RALA: variants seen among roughly 807,000 people sequenced by gnomAD.
RALA encodes the protein RAS like proto-oncogene A, also known as ras-related protein Ral-A.
Under a neutral mutation model 24.0 loss-of-function variants are expected in RALA, and 5 were observed. The ratio of observed to expected loss-of-function variants is 0.21; its 90% CI spans 0.11 to 0.44. The LOEUF is 0.44. Ranked by LOEUF, RALA falls within the 20% of genes least tolerant of loss-of-function variation. The pLI is 0.99. For missense variants in RALA, 95 were observed against 241.2 expected, an observed-to-expected ratio of 0.39 and a Z score of 4.01; for synonymous variants, 77 against 83.8, an observed-to-expected ratio of 0.92 and a Z score of 0.44.
chr7:39,654,314 C>T (rs536420518), intron 1 of RALA, among the ~76,000 whole-genome samples: 1 of 152,170 alleles, frequency 6.6e-6, no homozygotes, highest in African/African-American at 2.4e-5. Context: ...ATTTAATCAG[C>T]TCAGTCTCCA....
intron 1 of RALA, among the ~76,000 whole-genome samples, chr7:39,626,053 A>G (rs1791480067): frequency 6.6e-6 from 1 of 152,236 alleles, no homozygotes; most frequent in Non-Finnish European, 1.5e-5. Context: ...ATGATTTTGA[A>G]GGAGACAGTT....
intron 4 of RALA, among the ~76,000 whole-genome samples, chr7:39,702,697 C>T (rs2115559768): frequency 6.6e-6 from 1 of 152,234 alleles, no homozygotes; most frequent in African/African-American, 2.4e-5. Context: ...AGGATGAAAT[C>T]CTGTCATTCA....
intron 2 of RALA, among the ~76,000 whole-genome samples, chr7:39,688,049 C>CTGTT (rs1792739828): frequency 6.6e-6 from 1 of 152,086 alleles, no homozygotes; most frequent in African/African-American, 2.4e-5. Flanking sequence ...GTGCACCCAA[C>CTGTT]CCCCCATGTC....
rs115616765 is a variant in RALA, at chr7:39,683,219, C to T, written c.-37-3412C>T. The stretch of plus-strand genomic sequence containing the variant: ...AGTCTCAGATACTCTGTTATAGCAA[C>T]AGGAAACAGACTGACACTAGGCTTC... On this transcript the variant is annotated intron_variant, in intron 1 of 4. Coordinates refer to ENST00000005257, the MANE Select transcript of RALA (RefSeq NM_005402.4). 1.2e-3 allele frequency among the ~76,000 whole-genome samples: 178 copies of T among 152,296 alleles called. 1 individual carries two copies. The highest frequency in any genetic ancestry group is 3.8e-3 in the African/African-American group (160 of 41,576).
chr7:39,691,506 G>A (rs1792816833), intron 3 of RALA, among the ~76,000 whole-genome samples: 4 of 152,146 alleles, frequency 2.6e-5, no homozygotes, highest in African/African-American at 9.7e-5. Flanking sequence ...TCCGGGAGGG[G>A]AAAGAAGCTG....
chr7:39,691,835 T>G (rs1204930540), intron 3 of RALA, among the ~76,000 whole-genome samples: 1 of 152,212 alleles, frequency 6.6e-6, no homozygotes, highest in East Asian at 1.9e-4. Context: ...GAAAGTTATA[T>G]AAATGCCAAT....
chr7:39,646,892 T>A (rs1791933545), intron 1 of RALA, among the ~76,000 whole-genome samples: 1 of 152,142 alleles, frequency 6.6e-6, no homozygotes, highest in African/African-American at 2.4e-5. Flanking sequence ...AAATAATAAG[T>A]TAGAAAAAGT....
chr7:39,641,362 T>C (rs1297466061), intron 1 of RALA, among the ~76,000 whole-genome samples: 1 of 152,234 alleles, frequency 6.6e-6, no homozygotes, highest in Non-Finnish European at 1.5e-5. Context: ...ATATGATACT[T>C]GGTTTATGCT....
At chr7:39,633,564 C>T (rs1352759152) in intron 1 of RALA, among the ~76,000 whole-genome samples, 3 of 152,186 alleles carry the variant, frequency 2.0e-5, no homozygotes, top group Non-Finnish European at 4.4e-5. Context: ...TAGTCCCTCC[C>T]TCAACAAGTG....
intron 1 of RALA, among the ~76,000 whole-genome samples, chr7:39,677,241 A>G (rs1792502852): frequency 6.6e-6 from 1 of 152,178 alleles, no homozygotes; most frequent in African/African-American, 2.4e-5. Flanking sequence ...TCTTCTTTTT[A>G]GCCCTTTAAG....
intron 1 of RALA, among the ~76,000 whole-genome samples, chr7:39,629,522 C>T (rs1791553381): frequency 6.6e-6 from 1 of 151,446 alleles, no homozygotes; most frequent in Non-Finnish European, 1.5e-5. Flanking sequence ...TCAAGCGATT[C>T]TCCTGCCTCA....
chr7:39,701,548 G>T (rs1234551147), intron 4 of RALA, among the ~76,000 whole-genome samples: 1 of 152,150 alleles, frequency 6.6e-6, no homozygotes, highest in Non-Finnish European at 1.5e-5. Flanking sequence ...AATAGCTAGT[G>T]TATCTCCCAT....
At chr7:39,676,399 C>A (rs1792488307) in intron 1 of RALA, among the ~76,000 whole-genome samples, 1 of 152,170 alleles carries the variant, frequency 6.6e-6, no homozygotes, top group South Asian at 2.1e-4. Context: ...AAGCCTAAAA[C>A]AGGTTATGTA....
At chr7:39,667,994 GAA>G (rs1197136607) in intron 1 of RALA, among the ~76,000 whole-genome samples, 1 of 152,196 alleles carries the variant, frequency 6.6e-6, no homozygotes, top group Non-Finnish European at 1.5e-5. Context: ...CAAGATAAAA[GAA>G]AGTCTAGCCA....
In RALA at chr7:39,706,273, G is replaced by T; in HGVS notation, c.*28G>T. 1.3e-6 allele frequency: 2 copies of T among 1,582,030 alleles called. No homozygotes were observed. The highest frequency in any genetic ancestry group is 1.2e-5 in the South Asian group (1 of 84,446). ...AAAGCCCAAACTCCTTTCTTATCTT[G>T]ACCATACTAATAAATATAATTTATA... On this transcript the variant is annotated 3_prime_UTR_variant, in exon 5 of 5. Coordinates refer to ENST00000005257, the MANE Select transcript of RALA (RefSeq NM_005402.4).
At chr7:39,656,147 C>A (rs564061813) in intron 1 of RALA, among the ~76,000 whole-genome samples, 2 of 152,240 alleles carry the variant, frequency 1.3e-5, no homozygotes, top group African/African-American at 2.4e-5. Context: ...TATTCCCAAG[C>A]CTTGTACATT....
At chr7:39,688,387 C>T (rs1215826489) in intron 2 of RALA, among the ~76,000 whole-genome samples, 1 of 110,802 alleles carries the variant, frequency 9.0e-6, no homozygotes, top group Middle Eastern at 4.1e-3. Context: ...GAGCAAGACC[C>T]CTGTCTCTTA....
At chr7:39,698,167 CT>C (rs1010179116) in intron 4 of RALA, among the ~76,000 whole-genome samples, 4 of 152,104 alleles carry the variant, frequency 2.6e-5, no homozygotes, top group Non-Finnish European at 4.4e-5. Flanking sequence ...CCTGATTCTT[CT>C]TAGGATACTA....
At chr7:39,630,295 G>T (rs1791573419) in intron 1 of RALA, among the ~76,000 whole-genome samples, 1 of 138,424 alleles carries the variant, frequency 7.2e-6, no homozygotes, top group African/African-American at 2.7e-5. Context: ...CAAGCAGTCT[G>T]CCCACTTCAG....
Sources: allele counts gnomAD v4.1 joint callset (sites outside exome capture counted in the v4.1 genomes callset), GRCh38; gene constraint gnomAD v4.1.1; transcripts MANE v1.5; gene names NCBI Gene and HGNC (gene_info 2026-07-23, HGNC 2026-07-21).